Variants in SLC20A2 observed in about 807,000 individuals in gnomAD.
SLC20A2 encodes the protein sodium-dependent phosphate transporter 2.
In SLC20A2, 30 loss-of-function variants were observed where a neutral mutation model predicts 61.0. The ratio of observed to expected loss-of-function variants is 0.49; its 90% confidence interval spans 0.37 to 0.67. The LOEUF (loss-of-function observed/expected upper bound fraction) is 0.67, where lower values mean the gene tolerates loss of function less well. Ranked by LOEUF, SLC20A2 falls within the 30% of genes least tolerant of loss-of-function variation. The pLI is 0.00. For synonymous variants in SLC20A2, 351 were observed against 353.3 expected (o/e 0.99, Z 0.07); for missense variants, 626 against 866.4 (o/e 0.72, Z 3.48).
Position 42,417,804 on chromosome 8 carries a change from C to A in SLC20A2, c.1958G>T (p.Ter653LeuextTer64), listed in dbSNP as rs1413293689. ...LLMYGILPYV[*>L] Reference sequence around the variant, plus strand: ...TGTTTGCAGCTGGAAGAAGACAAATCACACATATGGAAGGATCCCATACAT... The same window carrying A: ...TGTTTGCAGCTGGAAGAAGACAAATAACACATATGGAAGGATCCCATACAT... Residue 653 changes from the stop codon to leucine, a stop_lost, in exon 11 of 11, where the codon TGA becomes TTA. Transcript: ENST00000520262. 6.2e-7 allele frequency: 1 copy of A among 1,613,874 alleles called. No individual in the cohort carries two copies. The highest frequency in any genetic ancestry group is 8.5e-7 in the Non-Finnish European group (1 of 1,179,812).
chr8:42,487,090 C>T (rs574110288), intron 1 of SLC20A2, among the ~76,000 whole-genome samples: 1 of 151,770 alleles, frequency 6.6e-6, no homozygotes, highest in East Asian at 2.0e-4. Context: ...GTCTGGAACT[C>T]CTGACCTCAA....
At chr8:42,498,502 C>G (rs35116311) in intron 1 of SLC20A2, among the ~76,000 whole-genome samples, 9,664 of 152,138 alleles carry the variant, frequency 0.064, 392 homozygotes, top group Middle Eastern at 0.16. Context: ...GTTTCTGTGT[C>G]CTGCCTTGTT....
In SLC20A2 at chr8:42,436,973, G is replaced by A. The variant is rs767236654; in HGVS notation, c.1523+16C>T. ...CCTCAAGGACCCTTGTTGAATGAAT[G>A]AATGAAAGCACCCACCTCACGTCAT... On this transcript the variant is annotated intron_variant, in intron 8 of 10. Coordinates refer to ENST00000520262, the MANE Select transcript of SLC20A2 (RefSeq NM_001257180.2). 1.3e-6 allele frequency: 2 copies of A among 1,575,210 alleles called. No individual in the cohort carries two copies. Among genetic ancestry groups the A allele is most frequent in the Non-Finnish European group, 1.7e-6 (2 of 1,159,476 alleles).
chr8:42,429,148 C>T (rs570003927), intron 9 of SLC20A2, among the ~76,000 whole-genome samples: 28 of 152,240 alleles, frequency 1.8e-4, no homozygotes, highest in South Asian at 2.1e-4. Flanking sequence ...ATTTCTAAAA[C>T]GCAAAGGAAA....
intron 5 of SLC20A2, among the ~76,000 whole-genome samples, chr8:42,459,660 T>C (rs1200514788): frequency 2.6e-5 from 4 of 152,210 alleles, no homozygotes; most frequent in Non-Finnish European, 5.9e-5. Context: ...CTTTGTACTC[T>C]ACATATCTCT....
intron 1 of SLC20A2, among the ~76,000 whole-genome samples, chr8:42,485,611 C>T (rs1460354816): frequency 7.7e-6 from 1 of 129,426 alleles, no homozygotes; most frequent in East Asian, 2.2e-4. Context: ...TATTGCATTC[C>T]AGCCTGGGTG....
At chr8:42,430,753 G>A (rs769550381) in intron 8 of SLC20A2, among the ~76,000 whole-genome samples, 6 of 152,188 alleles carry the variant, frequency 3.9e-5, no homozygotes, top group African/African-American at 9.7e-5. Flanking sequence ...ATGTGCTCAC[G>A]TCATGTCTCT....
intron 1 of SLC20A2, among the ~76,000 whole-genome samples, chr8:42,528,902 G>C (rs1812151243): frequency 6.6e-6 from 1 of 151,706 alleles, no homozygotes; most frequent in Non-Finnish European, 1.5e-5. Context: ...CCTGATCTCG[G>C]GTGATCCCCC....
chr8:42,476,564 C>A lies in SLC20A2; in HGVS notation c.-264-3910G>T, dbSNP rs553977765. Among the ~76,000 whole-genome samples the A allele has an allele frequency of 7.9e-5, 12 of 152,262 alleles. No individual in the cohort carries two copies. The South Asian group carries it at 2.5e-3, about 32-fold the overall frequency. On this transcript the variant is annotated intron_variant, in intron 1 of 10. Transcript: ENST00000520262. ...CTGGCACAAGCCCCGAGCAGCTTCGCCATGGCCTGGTTTTGCTTGGGGACG... is the reference window on the plus strand; with the variant it reads ...CTGGCACAAGCCCCGAGCAGCTTCGACATGGCCTGGTTTTGCTTGGGGACG...
chr8:42,453,198 C>G (rs1805879658), intron 5 of SLC20A2, among the ~76,000 whole-genome samples: 1 of 152,164 alleles, frequency 6.6e-6, no homozygotes, highest in East Asian at 1.9e-4. Context: ...TGTTTAAACA[C>G]TGAACAAAAA....
intron 1 of SLC20A2, among the ~76,000 whole-genome samples, chr8:42,507,787 GT>G (rs1810794382): frequency 6.6e-6 from 1 of 152,236 alleles, no homozygotes; most frequent in Non-Finnish European, 1.5e-5. Context: ...ATATAAGGGA[GT>G]AATTAGTAAG....
At chr8:42,418,885 C>T (rs1447257252) in intron 10 of SLC20A2, among the ~76,000 whole-genome samples, 1 of 151,548 alleles carries the variant, frequency 6.6e-6, no homozygotes, top group Non-Finnish European at 1.5e-5. Flanking sequence ...GTAGTCCCAG[C>T]TACTTGGGAG....
chr8:42,419,996 C>T (rs993298054), intron 10 of SLC20A2, among the ~76,000 whole-genome samples: 8 of 152,136 alleles, frequency 5.3e-5, no homozygotes, highest in Non-Finnish European at 1.0e-4. Flanking sequence ...ACCATGCTGG[C>T]TAACAGGGTG....
At chr8:42,516,615 A>C (rs1231786262) in intron 1 of SLC20A2, among the ~76,000 whole-genome samples, 1 of 152,240 alleles carries the variant, frequency 6.6e-6, no homozygotes, top group East Asian at 1.9e-4. Context: ...GAAGAGCTAC[A>C]TACCATCCTC....
At chr8:42,447,121 C>A (rs1485718402) in intron 5 of SLC20A2, among the ~76,000 whole-genome samples, 1 of 151,820 alleles carries the variant, frequency 6.6e-6, no homozygotes, top group Non-Finnish European at 1.5e-5. Context: ...GTGAGAGGAT[C>A]ACTTGAAGCC....
At chr8:42,533,299 T>C (rs1210033839) in intron 1 of SLC20A2, among the ~76,000 whole-genome samples, 2 of 152,078 alleles carry the variant, frequency 1.3e-5, no homozygotes, top group South Asian at 4.1e-4. Context: ...TTCGTTCTAA[T>C]CAACAAACTA....
rs751146649 is a variant in SLC20A2, at chr8:42,439,629, A to G, written c.755T>C (p.Leu252Ser). 6.2e-7 allele frequency: 1 copy of G among 1,614,164 alleles called. No individual in the cohort carries two copies. Among genetic ancestry groups the G allele is most frequent in the Non-Finnish European group, 8.5e-7 (1 of 1,179,968 alleles). Residue 252 changes from leucine (L) to serine (S), a missense_variant, in exon 7 of 11, where the codon TTA becomes TCA. Around this residue, in one of 3 missense-constraint regions of SLC20A2, gnomAD observed 361 missense variants for 422.3 expected, o/e 0.85. Coordinates refer to ENST00000520262, the MANE Select transcript of SLC20A2 (RefSeq NM_001257180.2). ...GAGGCTTTCGTCAGATACTCGTGAT[A>G]AAGCACCTTCTTTTTGTAATTTGCC... ...ITGKLQKEGA[L>S]SRVSDESLSK...
intron 1 of SLC20A2, among the ~76,000 whole-genome samples, chr8:42,497,262 AG>A (rs1809996201): frequency 6.6e-6 from 1 of 152,228 alleles, no homozygotes; most frequent in Non-Finnish European, 1.5e-5. Context: ...TTCAGGAAAA[AG>A]GGTTACATTT....
chr8:42,505,220 C>G (rs552078608), upstream of SLC20A2, among the ~76,000 whole-genome samples: 13 of 152,076 alleles, frequency 8.5e-5, no homozygotes, highest in Non-Finnish European at 5.9e-5. Context: ...GCGATCCTCC[C>G]ACCTTAGCCT....
Sources: allele counts gnomAD v4.1 joint callset (sites outside exome capture counted in the v4.1 genomes callset), GRCh38; gene constraint gnomAD v4.1.1; regional missense constraint gnomAD v4.1.1; transcripts MANE v1.5; gene names NCBI Gene and HGNC (gene_info 2026-07-23, HGNC 2026-07-21).